RAD51B: variants seen among roughly 807,000 people sequenced by gnomAD.
The protein encoded by RAD51B is DNA repair protein RAD51 homolog 2.
A neutral mutation model predicts 42.2 loss-of-function variants in RAD51B; 38 were observed. The ratio of observed to expected loss-of-function variants is 0.90; its 90% CI spans 0.70 to 1.18. RAD51B has a LOEUF of 1.18. RAD51B is among the 50% of genes most tolerant of loss of function. The pLI is 0.00. For synonymous variants in RAD51B, 154 were observed against 145.2 expected (o/e 1.06, Z -0.43); for missense variants, 373 against 400.7 (o/e 0.93, Z 0.59).
chr14:67,914,089 T>C (rs565647731), intron 7 of RAD51B, among the ~76,000 whole-genome samples: 1 of 152,222 alleles, frequency 6.6e-6, no homozygotes, highest in African/African-American at 2.4e-5. Context: ...TTCAAGCGAT[T>C]CTCTTGCCTC....
chr14:68,363,561 A>T (rs1221484842), intron 8 of RAD51B, among the ~76,000 whole-genome samples: 1 of 151,910 alleles, frequency 6.6e-6, no homozygotes, highest in South Asian at 2.1e-4. Context: ...TCCTCATTGG[A>T]GTGTGCAGGG....
At position 68,263,164 on chromosome 14, in the gene RAD51B, A is replaced by G. The variant is rs17105285; in HGVS notation, c.757-28720A>G. On this transcript the variant is annotated intron_variant, in intron 7 of 10. Transcript: ENST00000471583. ...ATGCTCTGTGAGGGCTGAAAGGAACAGGATACCTGCAAGCATTTTCCCACA... is the reference window on the plus strand; with the variant it reads ...ATGCTCTGTGAGGGCTGAAAGGAACGGGATACCTGCAAGCATTTTCCCACA... Among the ~76,000 whole-genome samples the G allele has an allele frequency of 8.1e-3, 1,228 of 152,340 alleles. 15 individuals carry two copies. The highest frequency in any genetic ancestry group is 0.029 in the African/African-American group (1,188 of 41,566).
At chr14:68,643,915 G>A (rs1044494968) in intron 10 of RAD51B, among the ~76,000 whole-genome samples, 10 of 152,156 alleles carry the variant, frequency 6.6e-5, no homozygotes, top group Non-Finnish European at 1.5e-4. Flanking sequence ...GAAGGCACTG[G>A]AACTAGTAAG....
At chr14:68,179,457 T>C (rs1311555580) in intron 7 of RAD51B, among the ~76,000 whole-genome samples, 2 of 152,202 alleles carry the variant, frequency 1.3e-5, no homozygotes, top group African/African-American at 4.8e-5. Context: ...GTATTTGTTG[T>C]TTTATTTCGG....
chr14:68,462,742 G>A (rs2085876469), intron 9 of RAD51B, among the ~76,000 whole-genome samples: 2 of 152,136 alleles, frequency 1.3e-5, no homozygotes, highest in Admixed American at 6.6e-5. Flanking sequence ...AGAGGAGAAA[G>A]TGTATTTGTT....
chr14:68,044,141 C>T (rs1305921032), intron 7 of RAD51B, among the ~76,000 whole-genome samples: 4 of 152,222 alleles, frequency 2.6e-5, no homozygotes, highest in African/African-American at 9.6e-5. Flanking sequence ...TGACTGCTCT[C>T]ACTGTCTTCT....
intron 7 of RAD51B, among the ~76,000 whole-genome samples, chr14:67,993,970 T>C (rs1040854877): frequency 6.6e-6 from 1 of 152,192 alleles, no homozygotes; most frequent in Admixed American, 6.5e-5. Context: ...TAACTGTTAG[T>C]ATATATAATA....
At chr14:67,830,950 G>A (rs560984600) in intron 3 of RAD51B, among the ~76,000 whole-genome samples, 7 of 149,260 alleles carry the variant, frequency 4.7e-5, no homozygotes, top group Admixed American at 4.0e-4. Context: ...GCAATGGTGA[G>A]ATCTCGGCCC....
intron 3 of RAD51B, among the ~76,000 whole-genome samples, chr14:67,829,263 G>A (rs2040944294): frequency 6.8e-6 from 1 of 147,122 alleles, no homozygotes; most frequent in Non-Finnish European, 1.5e-5. Flanking sequence ...TTTTTTTTGA[G>A]ACAGAGTCTT....
chr14:68,444,587 A>G (rs1482879512), intron 9 of RAD51B, among the ~76,000 whole-genome samples: 1 of 152,184 alleles, frequency 6.6e-6, no homozygotes, highest in African/African-American at 2.4e-5. Flanking sequence ...CAGTGGTGGC[A>G]TTGGCCACAG....
chr14:68,329,937 G>A (rs574428733), intron 8 of RAD51B, among the ~76,000 whole-genome samples: 32 of 148,750 alleles, frequency 2.2e-4, no homozygotes, highest in Admixed American at 6.8e-4. Context: ...AGCCGAGATC[G>A]TGCCACAGCA....
At chr14:67,886,874 A>G (rs985735879) in intron 6 of RAD51B, 147 bp from the exon 7 acceptor site, 2 of 523,904 alleles carry the variant, frequency 3.8e-6, no homozygotes, top group East Asian at 3.2e-5. Context: ...TATGTCTACA[A>G]GTTAGGTTTA....
chr14:68,584,846 T>G (rs999795136), intron 10 of RAD51B, among the ~76,000 whole-genome samples: 1 of 152,210 alleles, frequency 6.6e-6, no homozygotes, highest in Non-Finnish European at 1.5e-5. Context: ...AGAAGAGATC[T>G]TAAAGACTAC....
intron 7 of RAD51B, among the ~76,000 whole-genome samples, chr14:67,916,548 A>T (rs1222513601): frequency 6.8e-6 from 1 of 147,500 alleles, no homozygotes; most frequent in Admixed American, 6.8e-5. Flanking sequence ...TGACAGTAAT[A>T]TTTTTTTTTT....
At chr14:67,946,159 G>A (rs2045383576) in intron 7 of RAD51B, among the ~76,000 whole-genome samples, 1 of 152,150 alleles carries the variant, frequency 6.6e-6, no homozygotes, top group South Asian at 2.1e-4. Context: ...GTTTTGAAAT[G>A]AGGGATACCT....
chr14:68,407,580 C>T (rs980962209), intron 8 of RAD51B, among the ~76,000 whole-genome samples: 2 of 152,110 alleles, frequency 1.3e-5, no homozygotes, highest in Admixed American at 1.3e-4. Context: ...CATCATTGTG[C>T]AGAGCACGAC....
chr14:68,047,219 A>C (rs2076316334), intron 7 of RAD51B, among the ~76,000 whole-genome samples: 1 of 152,098 alleles, frequency 6.6e-6, no homozygotes, highest in African/African-American at 2.4e-5. Context: ...AACAACTCTA[A>C]AAAAGTAGAG....
At chr14:68,563,677 A>G in intron 10 of RAD51B, 1 of 985,472 alleles carries the variant, frequency 1.0e-6, no homozygotes, top group Non-Finnish European at 1.2e-6. Flanking sequence ...GGCAGAAACC[A>G]AAATTCCCAG....
At chr14:68,582,945 T>C (rs540729557) in intron 10 of RAD51B, among the ~76,000 whole-genome samples, 1 of 150,970 alleles carries the variant, frequency 6.6e-6, no homozygotes, top group Non-Finnish European at 1.5e-5. Flanking sequence ...TAAGCGGGAG[T>C]TGAACAATAA....
Sources: allele counts gnomAD v4.1 joint callset (sites outside exome capture counted in the v4.1 genomes callset), GRCh38; gene constraint gnomAD v4.1.1; transcripts MANE v1.5; gene names NCBI Gene and HGNC (gene_info 2026-07-23, HGNC 2026-07-21).